The following AFG1L variants were observed in gnomAD, a reference collection of about 807,000 sequenced individuals.
The protein encoded by AFG1L is AFG1-like ATPase.
In AFG1L, 53 loss-of-function variants were observed where a neutral mutation model predicts 62.2. The observed-to-expected ratio is 0.85, with a 90% CI of 0.68 to 1.07. The LOEUF (loss-of-function observed/expected upper bound fraction) is 1.07. Among genes scored for constraint, AFG1L ranks in the 50% least tolerant of loss-of-function variants. The pLI is 0.00. For synonymous variants in AFG1L, 228 were observed against 210.3 expected (o/e 1.08, Z -0.73); for missense variants, 555 against 590.5 (o/e 0.94, Z 0.62).
At chr6:108,370,520 A>G (rs1157856848) in intron 6 of AFG1L, among the ~76,000 whole-genome samples, 1 of 152,104 alleles carries the variant, frequency 6.6e-6, no homozygotes, top group Non-Finnish European at 1.5e-5. Flanking sequence ...AAGGCCAGGA[A>G]TATAGCCAAA....
chr6:108,458,561 C>T (rs1218048106), intron 8 of AFG1L, among the ~76,000 whole-genome samples: 1 of 152,036 alleles, frequency 6.6e-6, no homozygotes, highest in East Asian at 1.9e-4. Context: ...GAGATTCTCC[C>T]CCCTTAGCCT....
intron 8 of AFG1L, among the ~76,000 whole-genome samples, chr6:108,469,130 A>G (rs1004126900): frequency 6.6e-6 from 1 of 152,258 alleles, no homozygotes; most frequent in Admixed American, 6.5e-5. Context: ...GCAGAGTTTT[A>G]TTGATTGGTG....
chr6:108,452,470 A>G (rs1772095691), intron 8 of AFG1L, among the ~76,000 whole-genome samples: 1 of 152,198 alleles, frequency 6.6e-6, no homozygotes, highest in African/African-American at 2.4e-5. Flanking sequence ...GGAGGGTTCT[A>G]TTCAAACACC....
chr6:108,517,580 G>A (rs536076947), intron 11 of AFG1L, among the ~76,000 whole-genome samples: 24 of 152,236 alleles, frequency 1.6e-4, no homozygotes, highest in African/African-American at 5.5e-4. Flanking sequence ...TACCATTCAG[G>A]ACATAGGCAT....
rs372640815 is a variant in AFG1L at position 108,458,669 on chromosome 6, G to A, written c.890+11373G>A. On this transcript the variant is annotated intron_variant, in intron 8 of 12. Transcript: ENST00000368977. ...TACTCATGCCTTCCTCTACCTTATT[G>A]AGTATATGCAGCATATTTATAATTG... Among the ~76,000 whole-genome samples the A allele has an allele frequency of 2.6e-5, 4 of 151,988 alleles. No individual in the cohort carries two copies. In the East Asian group the frequency reaches 5.8e-4, roughly 22 times the overall value.
At position 108,324,032 on chromosome 6, in the gene AFG1L, A is replaced by G; in HGVS notation, c.347A>G (p.Glu116Gly). The G allele has an allele frequency of 1.9e-6, 3 of 1,610,354 alleles. No individual in the cohort carries two copies. Among genetic ancestry groups the G allele is most frequent in the South Asian group, 1.1e-5 (1 of 90,794 alleles). The change falls in exon 2 of 13, where the codon GAA becomes GGA. Residue 116 changes from glutamate (E) to glycine (G), a missense_variant. Coordinates refer to ENST00000368977, the MANE Select transcript of AFG1L (RefSeq NM_145315.5). Reference sequence around the variant, plus strand: ...CTTAAAGGATACAATATAGAGGCAGAAGGCCTTTTTTCAAAGGTGAGGCTT... The same window carrying G: ...CTTAAAGGATACAATATAGAGGCAGGAGGCCTTTTTTCAAAGGTGAGGCTT... ...EDLKGYNIEAEGLFSKLFSRS... is the reference protein window; with the variant it reads ...EDLKGYNIEAGGLFSKLFSRS...
At chr6:108,361,029 A>G (rs148479705) in intron 5 of AFG1L, among the ~76,000 whole-genome samples, 46 of 152,336 alleles carry the variant, frequency 3.0e-4, no homozygotes, top group African/African-American at 1.1e-3. Context: ...CTAACAGGAA[A>G]TGCAGGGAGC....
At chr6:108,430,813 T>A (rs970684027) in intron 7 of AFG1L, among the ~76,000 whole-genome samples, 13 of 152,236 alleles carry the variant, frequency 8.5e-5, no homozygotes, top group African/African-American at 3.1e-4. Context: ...ACATAAGCAC[T>A]ATATAGTTCC....
chr6:108,364,863 G>C (rs1399030930), intron 5 of AFG1L, among the ~76,000 whole-genome samples: 1 of 59,494 alleles, frequency 1.7e-5, no homozygotes, highest in African/African-American at 4.6e-5. Flanking sequence ...ACCTGAGACA[G>C]CCAAAAAAAA....
intron 6 of AFG1L, among the ~76,000 whole-genome samples, chr6:108,370,062 GA>G (rs1354077847): frequency 6.6e-6 from 1 of 152,076 alleles, no homozygotes; most frequent in East Asian, 1.9e-4. Context: ...AGTGGCTGGA[GA>G]AATGACCCAT....
intron 11 of AFG1L, among the ~76,000 whole-genome samples, chr6:108,514,337 A>G (rs1774791942): frequency 6.6e-6 from 1 of 152,224 alleles, no homozygotes; most frequent in Non-Finnish European, 1.5e-5. Context: ...AGTGGGGGCC[A>G]ATATTCAACA....
At chr6:108,400,135 G>T (rs1044630952) in intron 6 of AFG1L, among the ~76,000 whole-genome samples, 2 of 152,022 alleles carry the variant, frequency 1.3e-5, no homozygotes, top group African/African-American at 4.8e-5. Context: ...TGCAAACAAG[G>T]ATAATTTGAC....
chr6:108,341,578 G>T (rs975753308), intron 2 of AFG1L, among the ~76,000 whole-genome samples: 1 of 152,008 alleles, frequency 6.6e-6, no homozygotes, highest in Non-Finnish European at 1.5e-5. Context: ...GCTTACCCAG[G>T]GTCACCTAGC....
At chr6:108,324,138 C>T in intron 2 of AFG1L, 90 bp downstream of exon 2, 1 of 922,940 alleles carries the variant, frequency 1.1e-6, no homozygotes, top group East Asian at 2.6e-5. Flanking sequence ...AATCATGAAA[C>T]ATCTTGAAAA....
intron 10 of AFG1L, among the ~76,000 whole-genome samples, chr6:108,504,124 G>A (rs1283515718): frequency 6.6e-6 from 1 of 152,222 alleles, no homozygotes; most frequent in Non-Finnish European, 1.5e-5. Context: ...TATAGTTTGT[G>A]TGTTCACTGG....
At chr6:108,311,310 C>T (rs912659094) in intron 1 of AFG1L, among the ~76,000 whole-genome samples, 3 of 152,130 alleles carry the variant, frequency 2.0e-5, no homozygotes, top group Non-Finnish European at 4.4e-5. Flanking sequence ...CCATGGCACA[C>T]TTCTGTCTGC....
intron 6 of AFG1L, among the ~76,000 whole-genome samples, chr6:108,371,813 G>C (rs1780019762): frequency 6.6e-6 from 1 of 152,126 alleles, no homozygotes; most frequent in African/African-American, 2.4e-5. Context: ...CTGGAGTGCA[G>C]GGGTATGATT....
At chr6:108,478,617 A>G (rs1196809908) in intron 10 of AFG1L, among the ~76,000 whole-genome samples, 1 of 152,178 alleles carries the variant, frequency 6.6e-6, no homozygotes, top group African/African-American at 2.4e-5. Context: ...ACAAAATTCT[A>G]TTAAGGCTCC....
chr6:108,334,558 AC>A (rs67491924), intron 2 of AFG1L, among the ~76,000 whole-genome samples: 50,704 of 145,570 alleles, frequency 0.35, 10,423 homozygotes, highest in East Asian at 0.63. Context: ...TAAAAAAAAA[AC>A]AAATAGACTG....
Sources: gnomAD v4.1 joint callset for allele counts (sites outside exome capture counted in the v4.1 genomes callset) on GRCh38, gnomAD v4.1.1 for gene constraint, MANE v1.5 for transcripts, NCBI Gene and HGNC (gene_info 2026-07-23, HGNC 2026-07-21) for gene names.